CABCOCO1: variants seen among roughly 807,000 people sequenced by gnomAD.
CABCOCO1 encodes ciliary-associated calcium-binding coiled-coil protein 1.
In CABCOCO1, 28 loss-of-function variants were observed where a neutral mutation model predicts 35.7. That is an observed-to-expected ratio of 0.78 (90% CI 0.58 to 1.07). The LOEUF (loss-of-function observed/expected upper bound fraction) is 1.07, where lower values mean the gene tolerates loss of function less well. CABCOCO1 is among the 50% of genes least tolerant of loss of function. The pLI is 0.00. For synonymous variants in CABCOCO1, 95 were observed against 100.1 expected (o/e 0.95, Z 0.30); for missense variants, 326 against 309.2 (o/e 1.05, Z -0.41).
intron 5 of CABCOCO1, among the ~76,000 whole-genome samples, chr10:61,718,594 G>A (rs902196469): frequency 1.3e-5 from 2 of 152,106 alleles, no homozygotes; most frequent in Non-Finnish European, 2.9e-5. Context: ...TTTCCTAAGT[G>A]GGGGTTAGGA....
intron 5 of CABCOCO1, among the ~76,000 whole-genome samples, chr10:61,747,588 A>T (rs1301707167): frequency 6.6e-6 from 1 of 152,156 alleles, no homozygotes; most frequent in Non-Finnish European, 1.5e-5. Context: ...TTCCTTTATT[A>T]TTTGAATGCT....
intron 3 of CABCOCO1, among the ~76,000 whole-genome samples, chr10:61,682,340 C>T (rs973736499): frequency 6.6e-6 from 1 of 152,086 alleles, no homozygotes; most frequent in African/African-American, 2.4e-5. Flanking sequence ...GTTTTTCCTC[C>T]TGGCAGAAAA....
intron 5 of CABCOCO1, among the ~76,000 whole-genome samples, chr10:61,697,751 T>G (rs1241166124): frequency 6.6e-6 from 1 of 152,126 alleles, no homozygotes; most frequent in Non-Finnish European, 1.5e-5. Context: ...ATTTTGTAAA[T>G]TAAGTGCAGC....
chr10:61,755,885 G>A (rs1841887610), intron 5 of CABCOCO1, among the ~76,000 whole-genome samples: 1 of 151,934 alleles, frequency 6.6e-6, no homozygotes, highest in Admixed American at 6.6e-5. Flanking sequence ...CTCAGACATA[G>A]TAAGATCTAG....
At chr10:61,663,388 A>G (rs1425670431) in intron 1 of CABCOCO1, among the ~76,000 whole-genome samples, 7 of 148,458 alleles carry the variant, frequency 4.7e-5, no homozygotes, top group Non-Finnish European at 1.0e-4. Flanking sequence ...TTTTTTTTTT[A>G]ATTCTAGGTA....
intron 1 of CABCOCO1, among the ~76,000 whole-genome samples, chr10:61,664,789 A>T (rs114763530): frequency 0.011 from 1,751 of 152,298 alleles, 27 homozygotes; most frequent in African/African-American, 0.04. Context: ...ATTCATTAAA[A>T]CAAGTCCTGC....
At chr10:61,685,744 T>C (rs1839938436) in intron 3 of CABCOCO1, among the ~76,000 whole-genome samples, 1 of 152,166 alleles carries the variant, frequency 6.6e-6, no homozygotes, top group Non-Finnish European at 1.5e-5. Flanking sequence ...GATTTTTTTG[T>C]AGAGACAGGG....
At chr10:61,689,145 C>A (rs916464154) in intron 4 of CABCOCO1, among the ~76,000 whole-genome samples, 1 of 152,088 alleles carries the variant, frequency 6.6e-6, no homozygotes, top group African/African-American at 2.4e-5. Flanking sequence ...AATTTTATGC[C>A]GGTTCACTGA....
chr10:61,687,163 T>C (rs1445890503), intron 4 of CABCOCO1, among the ~76,000 whole-genome samples: 1 of 152,228 alleles, frequency 6.6e-6, no homozygotes, highest in Non-Finnish European at 1.5e-5. Context: ...ATTAATAATG[T>C]CATATGATAT....
At chr10:61,694,304 C>T (rs1261744565) in intron 5 of CABCOCO1, among the ~76,000 whole-genome samples, 1 of 144,978 alleles carries the variant, frequency 6.9e-6, no homozygotes, top group Non-Finnish European at 1.5e-5. Flanking sequence ...TCTAGTATGG[C>T]AATACCTTCT....
intron 3 of CABCOCO1, among the ~76,000 whole-genome samples, chr10:61,684,023 A>G (rs1839879644): frequency 6.6e-6 from 1 of 152,198 alleles, no homozygotes; most frequent in Admixed American, 6.5e-5. Context: ...AAAATAATTC[A>G]GATTTTCCAT....
At chr10:61,735,479 A>C (rs1841395845) in intron 5 of CABCOCO1, among the ~76,000 whole-genome samples, 1 of 152,074 alleles carries the variant, frequency 6.6e-6, no homozygotes, top group South Asian at 2.1e-4. Context: ...AATATAGCTT[A>C]TTCCCCCACC....
intron 5 of CABCOCO1, among the ~76,000 whole-genome samples, chr10:61,700,447 G>A (rs1840418792): frequency 6.6e-6 from 1 of 151,968 alleles, no homozygotes; most frequent in Non-Finnish European, 1.5e-5. Flanking sequence ...ACCCTTTACA[G>A]TACTCAAAGC....
chr10:61,750,485 A>T (rs1241653052), intron 5 of CABCOCO1, among the ~76,000 whole-genome samples: 1 of 152,148 alleles, frequency 6.6e-6, no homozygotes, highest in Admixed American at 6.5e-5. Flanking sequence ...CTGAGGCAGG[A>T]GAATTGCTTG....
intron 5 of CABCOCO1, among the ~76,000 whole-genome samples, chr10:61,712,817 A>G (rs1272516050): frequency 6.6e-6 from 1 of 151,960 alleles, no homozygotes; most frequent in Non-Finnish European, 1.5e-5. Flanking sequence ...ATGGTTGTAG[A>G]TGTGTGGTGT....
intron 5 of CABCOCO1, among the ~76,000 whole-genome samples, chr10:61,723,241 C>A (rs1301058655): frequency 6.6e-6 from 1 of 152,164 alleles, no homozygotes; most frequent in Non-Finnish European, 1.5e-5. Flanking sequence ...ATTTTGATAT[C>A]TTCTTGATAA....
intron 5 of CABCOCO1, among the ~76,000 whole-genome samples, chr10:61,744,383 TA>T (rs1466505647): frequency 2.0e-5 from 3 of 152,190 alleles, no homozygotes; most frequent in South Asian, 2.1e-4. Context: ...GTTCATATTT[TA>T]TAGTGAGGGC....
At chr10:61,703,521 A>G (rs1564541298) in intron 5 of CABCOCO1, among the ~76,000 whole-genome samples, 1 of 152,134 alleles carries the variant, frequency 6.6e-6, no homozygotes, top group South Asian at 2.1e-4. Context: ...TAAATATAAC[A>G]TACTAATATT....
In CABCOCO1 at chr10:61,726,951, T is replaced by C. The variant is rs369360455; in HGVS notation, c.553-33108T>C. Reference sequence around the variant, plus strand: ...GGTGGCACACACCTGTAATTCCAGCTCTAGGGAGACTGAGGCACAAGAATT... The same window carrying C: ...GGTGGCACACACCTGTAATTCCAGCCCTAGGGAGACTGAGGCACAAGAATT... On this transcript the variant is annotated intron_variant, in intron 5 of 7. Transcript: ENST00000648843. 4.0e-5 allele frequency among the ~76,000 whole-genome samples: 6 copies of C among 149,564 alleles called. No individual in the cohort carries two copies. In the East Asian group the frequency reaches 9.8e-4, roughly 24 times the overall value.
Sources: allele counts gnomAD v4.1 joint callset (sites outside exome capture counted in the v4.1 genomes callset), GRCh38; gene constraint gnomAD v4.1.1; transcripts MANE v1.5; gene names NCBI Gene and HGNC (gene_info 2026-07-23, HGNC 2026-07-21).